CCDC14: variants seen among roughly 807,000 people sequenced by gnomAD.
The protein encoded by CCDC14 is coiled-coil domain-containing protein 14.
Under a neutral mutation model 81.4 loss-of-function variants are expected in CCDC14, and 71 were observed. The ratio of observed to expected loss-of-function variants is 0.87; its 90% CI spans 0.72 to 1.06. CCDC14 has a LOEUF of 1.06. Among genes scored for constraint, CCDC14 ranks in the 50% least tolerant of loss-of-function variants. The pLI, the probability that CCDC14 is intolerant of heterozygous loss-of-function variation, is 0.00. For synonymous variants in CCDC14, 332 were observed against 364.8 expected (o/e 0.91, Z 1.03); for missense variants, 1,046 against 1,047.3 (o/e 1.00, Z 0.02).
At chr3:123,889,749 C>T in the CCDC14 span, among the ~76,000 whole-genome samples, 1 of 152,162 alleles carries the variant, frequency 6.6e-6, no homozygotes, top group South Asian at 2.1e-4. Flanking sequence ...CTAGGCAGTG[C>T]CACAGTGGGG....
chr3:123,918,335 A>T (rs191153876), intron 12 of CCDC14, among the ~76,000 whole-genome samples: 2,040 of 152,302 alleles, frequency 0.013, 30 homozygotes, highest in Middle Eastern at 0.02. Context: ...CTCTATTTTT[A>T]AAAAATGCCT....
intron 5 of CCDC14, among the ~76,000 whole-genome samples, chr3:123,901,274 G>C (rs2034173372): frequency 6.6e-6 from 1 of 151,808 alleles, no homozygotes. Context: ...AGAGTACACA[G>C]GGGGGCTTAT....
intron 5 of CCDC14, among the ~76,000 whole-genome samples, chr3:123,908,136 A>C (rs2034361341): frequency 1.3e-5 from 2 of 152,212 alleles, no homozygotes; most frequent in African/African-American, 4.8e-5. Context: ...TATGAAAGAA[A>C]GAAGGAAAGA....
chr3:123,945,085 G>T, intron 8 of CCDC14, 95 bp from the exon 9 acceptor site: 1 of 627,330 alleles, frequency 1.6e-6, no homozygotes, highest in African/African-American at 1.9e-5. Context: ...TTATAGATAT[G>T]TACATTCTTG....
chr3:123,887,726 G>A, the CCDC14 span, among the ~76,000 whole-genome samples: 1 of 152,250 alleles, frequency 6.6e-6, no homozygotes, highest in Non-Finnish European at 1.5e-5. Flanking sequence ...TAAACAGTGT[G>A]TATTTCTTTC....
chr3:123,960,933 G>A (rs892148348), intron 1 of CCDC14, among the ~76,000 whole-genome samples: 1 of 152,196 alleles, frequency 6.6e-6, no homozygotes, highest in African/African-American at 2.4e-5. Context: ...CTCTAGACTA[G>A]GGCTACGACG....
At chr3:123,908,374 C>G (rs550143405) in intron 5 of CCDC14, among the ~76,000 whole-genome samples, 1 of 152,214 alleles carries the variant, frequency 6.6e-6, no homozygotes, top group Non-Finnish European at 1.5e-5. Flanking sequence ...TTTAAATGCT[C>G]AGTATGTAGT....
At chr3:123,925,574 T>C (rs2035315294) in intron 12 of CCDC14, among the ~76,000 whole-genome samples, 2 of 152,154 alleles carry the variant, frequency 1.3e-5, no homozygotes, top group Non-Finnish European at 2.9e-5. Context: ...TAGCTGGGAT[T>C]ACAGGCACCT....
At chr3:123,909,741 G>T (rs989757329), downstream of CCDC14, among the ~76,000 whole-genome samples, 34 of 152,200 alleles carry the variant, frequency 2.2e-4, no homozygotes, top group African/African-American at 7.9e-4. Flanking sequence ...AATCCCAAAG[G>T]GAATTCCTTA....
At chr3:123,912,748 A>G (rs914299144), downstream of CCDC14, among the ~76,000 whole-genome samples, 1 of 152,000 alleles carries the variant, frequency 6.6e-6, no homozygotes, top group Non-Finnish European at 1.5e-5. Flanking sequence ...AAAAAACACC[A>G]CCACCAGATC....
In CCDC14 at chr3:123,914,932, A is replaced by C. The variant is rs751652969; in HGVS notation, c.2565T>G (p.Val855=). 1 of 1,614,074 alleles carries C rather than the reference A, an allele frequency of 6.2e-7. No individual in the cohort carries two copies. Among genetic ancestry groups the C allele is most frequent in the South Asian group, 1.1e-5 (1 of 91,082 alleles). ...VKGNTVCDGS[V]FTSDLMSDWS... Reference sequence around the variant, plus strand: ...AGTCAGACATCAAGTCAGAAGTGAAAACACTACCATCACAGACAGTATTGC... The same window carrying C: ...AGTCAGACATCAAGTCAGAAGTGAACACACTACCATCACAGACAGTATTGC... Residue 855 remains valine (V), a synonymous_variant, in exon 13 of 13, where the codon GTT becomes GTG. Coordinates refer to ENST00000409697, the MANE Select transcript of CCDC14 (RefSeq NM_001366335.1).
chr3:123,930,816 A>G, intron 12 of CCDC14: 1 of 268,102 alleles, frequency 3.7e-6, no homozygotes, highest in Non-Finnish European at 6.9e-6. Flanking sequence ...AGATCTCTCT[A>G]GCTTCAGAAC....
downstream of CCDC14, among the ~76,000 whole-genome samples, chr3:123,908,580 AT>A (rs2034374523): frequency 6.6e-6 from 1 of 152,164 alleles, no homozygotes; most frequent in Non-Finnish European, 1.5e-5. Flanking sequence ...ATACCATGGC[AT>A]TTCCTCAAAT....
intron 12 of CCDC14, among the ~76,000 whole-genome samples, chr3:123,924,281 A>G (rs1441426971): frequency 2.0e-5 from 3 of 152,170 alleles, no homozygotes; most frequent in Non-Finnish European, 4.4e-5. Flanking sequence ...GCATACAAAA[A>G]TATACTAAAA....
At position 123,948,743 on chromosome 3, in the gene CCDC14, G is replaced by A. The variant is rs376856367; in HGVS notation, c.632C>T (p.Ser211Phe). 3.6e-5 allele frequency: 57 copies of A among 1,602,164 alleles called. No individual in the cohort carries two copies. Among genetic ancestry groups the A allele is most frequent in the Non-Finnish European group, 4.6e-5 (54 of 1,177,144 alleles). The change falls in exon 7 of 13, where the codon TCC becomes TTC. Residue 211 changes from serine to phenylalanine, a missense_variant. Coordinates refer to ENST00000409697, the MANE Select transcript of CCDC14 (RefSeq NM_001366335.1). ...TPHSSYGLCT[S>F]TPVWSLQRPP... ...CCGCTGAAGTGACCAGACTGGGGTG[G>A]AGGTACATAAGCCATAACTAGAATG... is the stretch of plus-strand genomic sequence containing the variant.
At chr3:123,943,431 A>G (rs1225689026) in intron 9 of CCDC14, among the ~76,000 whole-genome samples, 2 of 151,742 alleles carry the variant, frequency 1.3e-5, no homozygotes, top group African/African-American at 4.8e-5. Context: ...TTTCCTCCCC[A>G]TTGTAGGCCA....
chr3:123,920,501 C>G (rs1351909935), intron 12 of CCDC14, among the ~76,000 whole-genome samples: 1 of 152,114 alleles, frequency 6.6e-6, no homozygotes, highest in Non-Finnish European at 1.5e-5. Context: ...AAAGCAGTGA[C>G]AGATAAGAAA....
At chr3:123,886,397 T>C in the CCDC14 span, among the ~76,000 whole-genome samples, 1 of 151,538 alleles carries the variant, frequency 6.6e-6, no homozygotes, top group Admixed American at 6.6e-5. Context: ...TCTTTCCTTC[T>C]TTCTTTCTTT....
chr3:123,925,822 T>G (rs1307218882), intron 12 of CCDC14, among the ~76,000 whole-genome samples: 1 of 152,210 alleles, frequency 6.6e-6, no homozygotes, highest in Non-Finnish European at 1.5e-5. Flanking sequence ...AGTGAGATGA[T>G]GGACATTTAA....
Sources: gnomAD v4.1 joint callset for allele counts (sites outside exome capture counted in the v4.1 genomes callset) on GRCh38, gnomAD v4.1.1 for gene constraint, MANE v1.5 for transcripts, NCBI Gene and HGNC (gene_info 2026-07-23, HGNC 2026-07-21) for gene names.